Variants in DLGAP2 observed in about 807,000 individuals in gnomAD.
DLGAP2 encodes DLG associated protein 2.
DLGAP2 carries 26 observed loss-of-function variants against 100.3 expected under a neutral mutation model. The ratio of observed to expected loss-of-function variants is 0.26; its 90% confidence interval spans 0.19 to 0.36. The LOEUF (loss-of-function observed/expected upper bound fraction) is 0.36. Ranked by LOEUF, DLGAP2 falls within the 10% of genes least tolerant of loss-of-function variation. The probability of loss-of-function intolerance (pLI) is 1.00; values close to 1 mark genes in which losing one functional copy is unlikely to be tolerated. For synonymous variants in DLGAP2, 886 were observed against 630.1 expected (o/e 1.41, Z -6.08); for missense variants, 1,858 against 1,453.2 (o/e 1.28, Z -4.53).
intron 6 of DLGAP2, among the ~76,000 whole-genome samples, chr8:1,594,108 G>A (rs1796372405): frequency 6.6e-6 from 1 of 152,160 alleles, no homozygotes; most frequent in Non-Finnish European, 1.5e-5. Flanking sequence ...GGAAAGAATT[G>A]GCTGAGACCC....
intron 6 of DLGAP2, among the ~76,000 whole-genome samples, chr8:1,568,054 C>T (rs974150868): frequency 4.0e-5 from 6 of 151,398 alleles, no homozygotes; most frequent in African/African-American, 1.5e-4. Flanking sequence ...CTGCCCATGG[C>T]CCCCATGCCA....
chr8:1,458,209 G>C (rs920993849), intron 3 of DLGAP2, among the ~76,000 whole-genome samples: 2 of 151,784 alleles, frequency 1.3e-5, no homozygotes, highest in Admixed American at 1.3e-4. Flanking sequence ...CCCAGCCTCT[G>C]TTGTCTGATC....
chr8:839,753 A>T (rs563587696), intron 1 of DLGAP2, among the ~76,000 whole-genome samples: 9 of 152,126 alleles, frequency 5.9e-5, no homozygotes, highest in African/African-American at 1.9e-4. Context: ...CTTCATGTTT[A>T]TTCACCGTTT....
At chr8:1,665,575 G>A (rs142416668) in intron 8 of DLGAP2, among the ~76,000 whole-genome samples, 42 of 152,200 alleles carry the variant, frequency 2.8e-4, no homozygotes, top group African/African-American at 9.9e-4. Context: ...CTATATTCCC[G>A]CGTCTCTCTG....
rs1232850962 is a variant in DLGAP2, at chr8:1,288,184, C to T, written c.106+29301C>T. ...TTTCTGTTAGGAGGGGAACTAGTTT[C>T]GGTTGAGTGTGTGTGTGTGTGTGTG... On this transcript the variant is annotated intron_variant, in intron 3 of 14. Transcript: ENST00000637795. Among the ~76,000 whole-genome samples the T allele has an allele frequency of 1.3e-3, 89 of 70,042 alleles. 1 individual carries two copies. The highest frequency in any genetic ancestry group is 6.2e-3 in the Admixed American group (28 of 4,482). 46.0% of individuals were successfully genotyped at this position (70,042 alleles called of 152,430 possible).
At chr8:823,820 C>T (rs1380214569) in intron 1 of DLGAP2, among the ~76,000 whole-genome samples, 4 of 152,150 alleles carry the variant, frequency 2.6e-5, no homozygotes, top group East Asian at 3.9e-4. Context: ...GCAGCCAGGA[C>T]GGGGGAGGTC....
intron 2 of DLGAP2, among the ~76,000 whole-genome samples, chr8:1,007,704 C>T (rs6559201): frequency 0.016 from 2,436 of 151,634 alleles, 79 homozygotes; most frequent in African/African-American, 0.056. Context: ...AGTAGCAATA[C>T]CTGCCAGCAG....
At chr8:1,463,617 A>G (rs189153156) in intron 3 of DLGAP2, among the ~76,000 whole-genome samples, 25 of 152,362 alleles carry the variant, frequency 1.6e-4, no homozygotes, top group African/African-American at 5.5e-4. Context: ...AACATGTGTC[A>G]AACAAAGCAA....
intron 2 of DLGAP2, among the ~76,000 whole-genome samples, chr8:1,071,490 C>A (rs1358097259): frequency 6.6e-6 from 1 of 152,134 alleles, no homozygotes. Context: ...ACACTTGCTC[C>A]TGGGCGTCCC....
At chr8:1,411,083 A>G (rs1796717566) in intron 3 of DLGAP2, among the ~76,000 whole-genome samples, 1 of 152,136 alleles carries the variant, frequency 6.6e-6, no homozygotes, top group Non-Finnish European at 1.5e-5. Flanking sequence ...CTACCTGCAT[A>G]CGCCAGTTGT....
intron 6 of DLGAP2, among the ~76,000 whole-genome samples, chr8:1,580,441 C>T (rs1419152620): frequency 6.6e-6 from 1 of 152,126 alleles, no homozygotes; most frequent in Non-Finnish European, 1.5e-5. Context: ...GAAGAGAAAG[C>T]GTGGGAATCG....
At chr8:1,636,546 C>G (rs1275879598) in intron 8 of DLGAP2, among the ~76,000 whole-genome samples, 3 of 152,280 alleles carry the variant, frequency 2.0e-5, no homozygotes, top group Non-Finnish European at 2.9e-5. Context: ...AATTTTACTT[C>G]TTTGCTGACC....
intron 2 of DLGAP2, among the ~76,000 whole-genome samples, chr8:1,234,485 C>T (rs143230509): frequency 6.6e-6 from 1 of 152,296 alleles, no homozygotes; most frequent in South Asian, 2.1e-4. Context: ...CAGGGCCTGT[C>T]TCCCCAGGAT....
At chr8:1,319,321 A>G (rs1800841252) in intron 3 of DLGAP2, among the ~76,000 whole-genome samples, 1 of 152,156 alleles carries the variant, frequency 6.6e-6, no homozygotes, top group East Asian at 1.9e-4. Flanking sequence ...CCTGAGACCA[A>G]CCTTCTCTGA....
At chr8:1,370,019 C>T (rs1802199859) in intron 3 of DLGAP2, among the ~76,000 whole-genome samples, 1 of 152,126 alleles carries the variant, frequency 6.6e-6, no homozygotes, top group Non-Finnish European at 1.5e-5. Context: ...GACCTGAGTT[C>T]AGCAGCATCC....
chr8:1,334,196 T>C (rs1037069510), intron 3 of DLGAP2, among the ~76,000 whole-genome samples: 4 of 152,132 alleles, frequency 2.6e-5, no homozygotes, highest in African/African-American at 9.7e-5. Flanking sequence ...GCAAAGGAAA[T>C]GTTTCCTGTG....
At chr8:923,986 A>G (rs13264243) in intron 2 of DLGAP2, among the ~76,000 whole-genome samples, 16,633 of 152,268 alleles carry the variant, frequency 0.11, 1,358 homozygotes, top group Admixed American at 0.25. Context: ...AGTTAAATCA[A>G]TGATGCTGTT....
At chr8:1,341,461 C>A (rs527665824) in intron 3 of DLGAP2, among the ~76,000 whole-genome samples, 26 of 152,176 alleles carry the variant, frequency 1.7e-4, no homozygotes, top group Non-Finnish European at 3.7e-4. Context: ...CTCTGAAACA[C>A]ATATAGGCGT....
intron 1 of DLGAP2, among the ~76,000 whole-genome samples, chr8:791,752 A>G (rs1310353555): frequency 6.6e-6 from 1 of 152,186 alleles, no homozygotes; most frequent in Non-Finnish European, 1.5e-5. Flanking sequence ...ACTTCAAGAA[A>G]AGCACAGCAG....
Sources: gnomAD v4.1 joint callset for allele counts (sites outside exome capture counted in the v4.1 genomes callset) on GRCh38, gnomAD v4.1.1 for gene constraint, MANE v1.5 for transcripts, NCBI Gene and HGNC (gene_info 2026-07-23, HGNC 2026-07-21) for gene names.